The following MCTP2 variants were observed in gnomAD, a reference collection of about 807,000 sequenced individuals.
MCTP2 encodes multiple C2 and transmembrane domain-containing protein 2.
A neutral mutation model predicts 111.6 loss-of-function variants in MCTP2; 132 were observed. That is an observed-to-expected ratio of 1.18 (90% CI 1.03 to 1.37). The LOEUF (loss-of-function observed/expected upper bound fraction) is 1.37. Among genes scored for constraint, MCTP2 ranks in the 40% most tolerant of loss-of-function variants. The pLI is 0.00. For synonymous variants in MCTP2, 395 were observed against 387.7 expected (o/e 1.02, Z -0.22); for missense variants, 1,183 against 1,067.9 (o/e 1.11, Z -1.50).
intron 3 of MCTP2, 103 bp downstream of exon 3, chr15:94,314,447 A>G: frequency 1.1e-6 from 1 of 895,562 alleles, no homozygotes; most frequent in Non-Finnish European, 1.7e-6. Context: ...AAAAAAAAAA[A>G]AAAAATGCCA....
At chr15:94,337,468 G>C (rs139334340) in intron 4 of MCTP2, among the ~76,000 whole-genome samples, 5 of 150,452 alleles carry the variant, frequency 3.3e-5, no homozygotes, top group African/African-American at 1.2e-4. Flanking sequence ...TTAATTAAAG[G>C]CCTCTTTTTA....
intron 12 of MCTP2, among the ~76,000 whole-genome samples, chr15:94,375,547 T>C (rs1201520654): frequency 2.6e-5 from 4 of 152,068 alleles, no homozygotes; most frequent in African/African-American, 4.8e-5. Flanking sequence ...CTTGAGACTT[T>C]TTGGCACCCT....
rs190436683 is a variant in MCTP2 at position 94,302,511 on chromosome 15, A to G, written c.465+3781A>G. ...ATTGCAAATGCCAAATCCAGCTGTAAAACCAAAAGGTGAGAACATACGCTT... is the reference window on the plus strand; with the variant it reads ...ATTGCAAATGCCAAATCCAGCTGTAGAACCAAAAGGTGAGAACATACGCTT... On this transcript the variant is annotated intron_variant, in intron 2 of 22. Transcript: ENST00000357742. Among the ~76,000 whole-genome samples the G allele has an allele frequency of 2.4e-3, 370 of 152,336 alleles. 4 individuals carry two copies. In the South Asian group the frequency reaches 0.029, roughly 12 times the overall value.
At chr15:94,400,226 A>G (rs1463738521) in intron 16 of MCTP2, among the ~76,000 whole-genome samples, 3 of 152,172 alleles carry the variant, frequency 2.0e-5, no homozygotes, top group Admixed American at 2.0e-4. Flanking sequence ...TTCTTGGGTG[A>G]AACAGAAGGT....
intron 20 of MCTP2, among the ~76,000 whole-genome samples, chr15:94,466,524 C>G (rs1256333716): frequency 6.6e-6 from 1 of 152,108 alleles, no homozygotes; most frequent in Non-Finnish European, 1.5e-5. Flanking sequence ...GATTTATGTC[C>G]ACTCTATGGT....
At chr15:94,315,420 A>C in intron 3 of MCTP2, 109 bp from the exon 4 acceptor site, 39 of 681,980 alleles carry the variant, frequency 5.7e-5, no homozygotes, top group Middle Eastern at 3.5e-4. Context: ...ATGACAGTCG[A>C]TCATCATAGT....
rs1012483949 is a variant in MCTP2 at position 94,398,347 on chromosome 15, A to C, written c.1789-614A>C. On this transcript the variant is annotated intron_variant, in intron 14 of 22. Coordinates refer to ENST00000357742, the MANE Select transcript of MCTP2 (RefSeq NM_001385001.1). ...GGGAATACTTTTAGATTTACAGAGA[A>C]GTTCAAAGAGAATACAGGGTTCCCC... Among the ~76,000 whole-genome samples the C allele has an allele frequency of 3.3e-5, 5 of 152,350 alleles. 1 individual carries two copies. In the South Asian group the frequency reaches 1.0e-3, roughly 32 times the overall value.
chr15:94,455,913 A>G (rs1471751806), intron 19 of MCTP2, among the ~76,000 whole-genome samples: 1 of 152,270 alleles, frequency 6.6e-6, no homozygotes, highest in African/African-American at 2.4e-5. Context: ...GTAACTGACT[A>G]AAATATATGA....
chr15:94,294,941 C>CTTTTTTTTTTTTTTTTTTTTT (rs71133001), intron 1 of MCTP2, among the ~76,000 whole-genome samples: 7 of 73,990 alleles, frequency 9.5e-5, no homozygotes, highest in Non-Finnish European at 1.2e-4. Context: ...TTTTCTTTTC[C>CTTTTTTTTTTTTTTTTTTTTT]TTTTTTTTTT....
intron 8 of MCTP2, among the ~76,000 whole-genome samples, chr15:94,352,837 GCCCAGGCCCTACCCTGAACCCCAGACT>G (rs2078381000): frequency 6.6e-6 from 1 of 152,132 alleles, no homozygotes; most frequent in Non-Finnish European, 1.5e-5. Context: ...ACAATAGATG[GCCCAGGCCCTACCCTGAACCCCAGACT>G]CCCTGGTCTG....
chr15:94,324,278 T>G (rs6497200), intron 4 of MCTP2, among the ~76,000 whole-genome samples: 3 of 152,154 alleles, frequency 2.0e-5, no homozygotes, highest in African/African-American at 7.3e-5. Flanking sequence ...TCATACCCTG[T>G]TGGCTCGTAG....
chr15:94,479,054 C>A lies in MCTP2; in HGVS notation c.*20C>A. The A allele has an allele frequency of 6.2e-7, 1 of 1,612,026 alleles. No individual in the cohort carries two copies. Among genetic ancestry groups the A allele is most frequent in the Non-Finnish European group, 8.5e-7 (1 of 1,178,234 alleles). On this transcript the variant is annotated 3_prime_UTR_variant, in exon 23 of 23. Transcript: ENST00000357742. Reference sequence around the variant, plus strand: ...CTCTAGGGCACACACCGACTTTGGACAGCAGCACCCAATATTGTGTTTGGT... The same window carrying A: ...CTCTAGGGCACACACCGACTTTGGAAAGCAGCACCCAATATTGTGTTTGGT...
intron 2 of MCTP2, among the ~76,000 whole-genome samples, chr15:94,312,564 T>G (rs1276199887): frequency 1.3e-5 from 2 of 152,194 alleles, no homozygotes; most frequent in Non-Finnish European, 2.9e-5. Context: ...AAAGCTTGTG[T>G]CTGAAATCAC....
intron 1 of MCTP2, among the ~76,000 whole-genome samples, chr15:94,242,568 T>C (rs1321784873): frequency 6.6e-6 from 1 of 151,912 alleles, no homozygotes; most frequent in East Asian, 1.9e-4. Context: ...GATACTAAAT[T>C]ACAGTATTAA....
intron 8 of MCTP2, among the ~76,000 whole-genome samples, chr15:94,346,992 G>A (rs1455534442): frequency 2.0e-5 from 3 of 151,814 alleles, no homozygotes; most frequent in Non-Finnish European, 4.4e-5. Flanking sequence ...CGCCCATCCC[G>A]AGTATACATG....
chr15:94,285,273 A>G (rs2074696968), intron 1 of MCTP2, among the ~76,000 whole-genome samples: 1 of 152,188 alleles, frequency 6.6e-6, no homozygotes, highest in Non-Finnish European at 1.5e-5. Context: ...GGAGCTGGTC[A>G]CAAAGGCACC....
In MCTP2 at chr15:94,452,088, C is replaced by T. The variant is rs139098885; in HGVS notation, c.2251-6049C>T. Among the ~76,000 whole-genome samples, 228 of 152,198 alleles carry T rather than the reference C, an allele frequency of 1.5e-3. 1 individual carries two copies. Among genetic ancestry groups the T allele is most frequent in the African/African-American group, 5.3e-3 (220 of 41,538 alleles). The stretch of plus-strand genomic sequence containing the variant: ...TCACCAAGCTAGTAGATGTCAGGAC[C>T]AGAGTTGAACCCCATTCTCTGACTC... On this transcript the variant is annotated intron_variant, in intron 19 of 22. Coordinates refer to ENST00000357742, the MANE Select transcript of MCTP2 (RefSeq NM_001385001.1).
intron 2 of MCTP2, among the ~76,000 whole-genome samples, chr15:94,298,948 T>C (rs1416734704): frequency 1.4e-4 from 1 of 7,024 alleles, no homozygotes; most frequent in Non-Finnish European, 2.3e-4. Context: ...CCTCTCTCCC[T>C]CTCTCCCTCT....
intron 12 of MCTP2, among the ~76,000 whole-genome samples, chr15:94,370,426 A>G (rs2079422385): frequency 6.6e-6 from 1 of 152,218 alleles, no homozygotes. Context: ...TGAGCTTCAA[A>G]AACATTTGTG....
Sources: gnomAD v4.1 joint callset for allele counts (sites outside exome capture counted in the v4.1 genomes callset) on GRCh38, gnomAD v4.1.1 for gene constraint, MANE v1.5 for transcripts, NCBI Gene and HGNC (gene_info 2026-07-23, HGNC 2026-07-21) for gene names.